Variants in CEP112 observed in about 807,000 individuals in gnomAD.
CEP112 encodes centrosomal protein 112.
In CEP112, 127 loss-of-function variants were observed where a neutral mutation model predicts 153.0. The observed-to-expected ratio is 0.83, with a 90% CI of 0.72 to 0.96. The LOEUF is 0.96. Ranked by LOEUF, CEP112 falls within the 40% of genes least tolerant of loss-of-function variation. CEP112 has a pLI of 0.00. For synonymous variants in CEP112, 358 were observed against 374.4 expected (o/e 0.96, Z 0.51); for missense variants, 1,089 against 1,101.2 (o/e 0.99, Z 0.16).
At chr17:66,187,026 A>G (rs532825860) in intron 1 of CEP112, among the ~76,000 whole-genome samples, 2 of 152,264 alleles carry the variant, frequency 1.3e-5, no homozygotes, top group South Asian at 4.2e-4. Flanking sequence ...CCTATTTGCT[A>G]TGTAAAATTT....
chr17:65,689,994 G>A (rs773277500), intron 23 of CEP112, among the ~76,000 whole-genome samples: 1 of 151,444 alleles, frequency 6.6e-6, no homozygotes, highest in Non-Finnish European at 1.5e-5. Context: ...GCATGGGGTG[G>A]TAACAGCAAA....
At chr17:65,975,292 T>C (rs2062990818) in intron 17 of CEP112, among the ~76,000 whole-genome samples, 1 of 152,090 alleles carries the variant, frequency 6.6e-6, no homozygotes, top group Non-Finnish European at 1.5e-5. Flanking sequence ...ATAAAACATA[T>C]AAGAAGAATA....
intron 20 of CEP112, among the ~76,000 whole-genome samples, chr17:65,871,021 T>C (rs1443810222): frequency 6.6e-6 from 1 of 152,220 alleles, no homozygotes; most frequent in Non-Finnish European, 1.5e-5. Context: ...CACACTAAGG[T>C]TGCAACCACC....
At chr17:66,113,085 A>C (rs2069131427) in intron 6 of CEP112, among the ~76,000 whole-genome samples, 2 of 152,156 alleles carry the variant, frequency 1.3e-5, no homozygotes, top group African/African-American at 4.8e-5. Flanking sequence ...AAAGTAAATA[A>C]ATAAAATAAA....
chr17:65,937,413 G>C (rs1167065877), intron 18 of CEP112, among the ~76,000 whole-genome samples: 1 of 109,886 alleles, frequency 9.1e-6, no homozygotes, highest in Non-Finnish European at 1.9e-5. Flanking sequence ...GATGTGGGGA[G>C]CGCCTCTGCC....
At chr17:65,677,921 G>GATAA (rs912196210) in intron 24 of CEP112, among the ~76,000 whole-genome samples, 1 of 151,846 alleles carries the variant, frequency 6.6e-6, no homozygotes, top group African/African-American at 2.4e-5. Flanking sequence ...CTCCAAAAAA[G>GATAA]ATAAATAAAT....
At chr17:65,973,985 ACCGTGT>A (rs1481898814) in intron 17 of CEP112, among the ~76,000 whole-genome samples, 1 of 152,162 alleles carries the variant, frequency 6.6e-6, no homozygotes, top group Middle Eastern at 3.2e-3. Flanking sequence ...GCAAATTAAA[ACCGTGT>A]CATTATTTCT....
At chr17:66,167,426 AC>A (rs564481717) in intron 4 of CEP112, among the ~76,000 whole-genome samples, 155 of 139,242 alleles carry the variant, frequency 1.1e-3, no homozygotes, top group Middle Eastern at 3.7e-3. Flanking sequence ...GGTAGTACTA[AC>A]CCCGAAGTTA....
intron 20 of CEP112, among the ~76,000 whole-genome samples, chr17:65,890,928 C>T (rs190920950): frequency 1.8e-3 from 277 of 152,242 alleles, no homozygotes; most frequent in Non-Finnish European, 2.4e-3. Context: ...TGGTAAGATG[C>T]GTCCTCTGTC....
intron 12 of CEP112, among the ~76,000 whole-genome samples, chr17:66,035,636 T>C (rs1206383389): frequency 6.6e-6 from 1 of 152,144 alleles, no homozygotes; most frequent in African/African-American, 2.4e-5. Context: ...CAAAGAAATA[T>C]TTGTACTCCC....
chr17:65,900,626 A>G (rs1200042962), intron 20 of CEP112, among the ~76,000 whole-genome samples: 4 of 152,136 alleles, frequency 2.6e-5, no homozygotes, highest in Non-Finnish European at 5.9e-5. Context: ...TATCCATTAT[A>G]CAATTCTACT....
intron 4 of CEP112, among the ~76,000 whole-genome samples, chr17:66,148,056 A>G (rs1389916403): frequency 2.6e-5 from 4 of 152,204 alleles, no homozygotes; most frequent in African/African-American, 4.8e-5. Context: ...ATAAAGACAT[A>G]CCCAGATTGG....
chr17:66,065,909 G>A (rs1035768949), intron 10 of CEP112, among the ~76,000 whole-genome samples: 56 of 152,264 alleles, frequency 3.7e-4, no homozygotes, highest in African/African-American at 1.1e-3. Flanking sequence ...GATTACAGGC[G>A]TAAGCCACCG....
intron 24 of CEP112, chr17:65,644,711 A>G (rs905976163): frequency 6.5e-6 from 1 of 153,862 alleles, no homozygotes; most frequent in Non-Finnish European, 1.4e-5. Flanking sequence ...GGGTATAAAA[A>G]TGCTTCAATC....
At chr17:65,926,678 A>G (rs999960950) in intron 19 of CEP112, among the ~76,000 whole-genome samples, 2 of 150,604 alleles carry the variant, frequency 1.3e-5, no homozygotes, top group Non-Finnish European at 2.9e-5. Context: ...GCGCCATTGC[A>G]CTCCAGCCTG....
At chr17:66,149,814 T>C (rs1034953965) in intron 4 of CEP112, among the ~76,000 whole-genome samples, 5 of 150,928 alleles carry the variant, frequency 3.3e-5, no homozygotes, top group African/African-American at 9.7e-5. Context: ...CTTCCTTCTG[T>C]TAGCTTTAGG....
At chr17:65,835,134 C>T (rs920426309) in intron 21 of CEP112, among the ~76,000 whole-genome samples, 5 of 149,478 alleles carry the variant, frequency 3.3e-5, no homozygotes, top group African/African-American at 1.2e-4. Context: ...TAAGTAGTAG[C>T]TAAATGATGT....
chr17:65,637,261 G>C (rs1003524494), intron 25 of CEP112, 73 bp from the exon 26 acceptor site: 12 of 996,494 alleles, frequency 1.2e-5, no homozygotes, highest in Admixed American at 7.3e-5. Flanking sequence ...AGTATGGTAA[G>C]ATTTTATTTA....
chr17:65,851,166 C>A (rs1049841474), intron 21 of CEP112, among the ~76,000 whole-genome samples: 1 of 152,120 alleles, frequency 6.6e-6, no homozygotes, highest in Non-Finnish European at 1.5e-5. Flanking sequence ...ACTCAAGAGG[C>A]AATTTTGGAA....
Sources: gnomAD v4.1 joint callset for allele counts (sites outside exome capture counted in the v4.1 genomes callset) on GRCh38, gnomAD v4.1.1 for gene constraint, MANE v1.5 for transcripts, NCBI Gene and HGNC (gene_info 2026-07-23, HGNC 2026-07-21) for gene names.